NPNT: variants seen among roughly 807,000 people sequenced by gnomAD.
The protein encoded by NPNT is preosteoblast EGF-like repeat protein with MAM domain.
Under a neutral mutation model 68.6 loss-of-function variants are expected in NPNT, and 45 were observed. That is an observed-to-expected ratio of 0.66 (90% CI 0.52 to 0.84). The LOEUF is 0.84. NPNT is among the 40% of genes least tolerant of loss of function. NPNT has a pLI of 0.00. For synonymous variants in NPNT, 233 were observed against 253.3 expected, an observed-to-expected ratio of 0.92 and a Z score of 0.76; for missense variants, 672 against 714.8, an observed-to-expected ratio of 0.94 and a Z score of 0.68.
At chr4:105,967,525 C>G in intron 11 of NPNT, 81 bp downstream of exon 11, 1 of 1,387,220 alleles carries the variant, frequency 7.2e-7, no homozygotes, top group Non-Finnish European at 9.7e-7. Context: ...TTGAAGAAGC[C>G]TTGCTGTGTG....
intron 8 of NPNT, among the ~76,000 whole-genome samples, chr4:105,944,192 T>A (rs74812441): frequency 2.0e-3 from 304 of 152,280 alleles, no homozygotes; most frequent in Non-Finnish European, 3.0e-3. Context: ...TATATGTGCA[T>A]AACTATTTTC....
intron 1 of NPNT, among the ~76,000 whole-genome samples, chr4:105,896,587 C>A (rs942778774): frequency 6.6e-6 from 1 of 152,204 alleles, no homozygotes; most frequent in African/African-American, 2.4e-5. Context: ...TGGCGCACAC[C>A]GTCGCCCGGT....
chr4:105,904,941 G>C (rs1726760623), intron 2 of NPNT, among the ~76,000 whole-genome samples: 1 of 151,994 alleles, frequency 6.6e-6, no homozygotes, highest in Non-Finnish European at 1.5e-5. Flanking sequence ...TCATCGTGTT[G>C]GTCTGGCTGG....
intron 8 of NPNT, among the ~76,000 whole-genome samples, chr4:105,945,670 C>G (rs1286918762): frequency 6.6e-6 from 1 of 152,198 alleles, no homozygotes; most frequent in East Asian, 1.9e-4. Flanking sequence ...AGCCATCTCT[C>G]CCCTGGAATA....
chr4:105,968,296 A>G (rs1014061854), intron 11 of NPNT, among the ~76,000 whole-genome samples: 1 of 152,256 alleles, frequency 6.6e-6, no homozygotes, highest in Non-Finnish European at 1.5e-5. Context: ...TGTTTAGAGA[A>G]ATAAAACAAG....
chr4:105,912,321 T>A, intron 2 of NPNT: 1 of 943,262 alleles, frequency 1.1e-6, no homozygotes, highest in Non-Finnish European at 1.6e-6. Flanking sequence ...TACAAAGCTG[T>A]AAACAAAACA....
chr4:105,930,729 T>C (rs1729046017), intron 3 of NPNT, among the ~76,000 whole-genome samples: 1 of 152,232 alleles, frequency 6.6e-6, no homozygotes, highest in African/African-American at 2.4e-5. Context: ...TAGCGAGTTA[T>C]ATACTTTAAG....
intron 10 of NPNT, among the ~76,000 whole-genome samples, chr4:105,966,173 A>G (rs1231061791): frequency 6.6e-6 from 1 of 152,228 alleles, no homozygotes; most frequent in Non-Finnish European, 1.5e-5. Flanking sequence ...CCATTTTTCT[A>G]TGGAAAAACC....
intron 2 of NPNT, chr4:105,912,395 T>C: frequency 9.1e-6 from 5 of 549,818 alleles, no homozygotes; most frequent in Non-Finnish European, 1.5e-5. Context: ...GTGCTTATTC[T>C]ATACATAATT....
chr4:105,919,709 A>G (rs1728094851), intron 2 of NPNT, among the ~76,000 whole-genome samples: 1 of 152,100 alleles, frequency 6.6e-6, no homozygotes, highest in Non-Finnish European at 1.5e-5. Context: ...AACTAAATTT[A>G]TTTGTAAGAA....
chr4:105,927,146 T>C (rs1314561638), intron 2 of NPNT, 190 bp from the exon 3 acceptor site: 6 of 448,114 alleles, frequency 1.3e-5, no homozygotes, highest in Non-Finnish European at 2.4e-5. Context: ...CACACACATA[T>C]ACATACATAA....
chr4:105,921,695 A>C (rs1728269583), intron 2 of NPNT, among the ~76,000 whole-genome samples: 1 of 152,192 alleles, frequency 6.6e-6, no homozygotes, highest in Non-Finnish European at 1.5e-5. Context: ...GGCTCAGGGC[A>C]CTTTTCAGAG....
intron 3 of NPNT, among the ~76,000 whole-genome samples, chr4:105,929,243 C>A (rs1449740274): frequency 6.6e-6 from 1 of 152,032 alleles, no homozygotes; most frequent in East Asian, 1.9e-4. Context: ...TTTTTACAAT[C>A]ATCCAGAACA....
At chr4:105,923,923 G>A (rs1442837894) in intron 2 of NPNT, among the ~76,000 whole-genome samples, 1 of 151,882 alleles carries the variant, frequency 6.6e-6, no homozygotes, top group East Asian at 1.9e-4. Flanking sequence ...GAATCCAGCT[G>A]GCCTTTTGTG....
At chr4:105,900,933 A>T (rs1012548749) in intron 2 of NPNT, among the ~76,000 whole-genome samples, 1 of 146,908 alleles carries the variant, frequency 6.8e-6, no homozygotes, top group African/African-American at 2.5e-5. Flanking sequence ...TCTAACTGTC[A>T]TGGGCTTTAC....
At chr4:105,927,268 C>T (rs1413771089) in intron 2 of NPNT, 68 bp from the exon 3 acceptor site, 14 of 938,082 alleles carry the variant, frequency 1.5e-5, no homozygotes, top group African/African-American at 8.3e-5. Context: ...AACTAGTGCA[C>T]GACATCAATG....
chr4:105,900,157 T>C, intron 2 of NPNT, among the ~76,000 whole-genome samples: 1 of 152,244 alleles, frequency 6.6e-6, no homozygotes, highest in South Asian at 2.1e-4. Context: ...GATAATCATG[T>C]AGTTCTTTCC....
At chr4:105,936,988 T>C (rs1174215955) in intron 3 of NPNT, 21 bp from the exon 4 acceptor site, 6 of 1,606,762 alleles carry the variant, frequency 3.7e-6, no homozygotes, top group Non-Finnish European at 5.1e-6. Flanking sequence ...ATTTTTCTGC[T>C]TCAACCCACA....
chr4:105,895,602 A>C lies in NPNT; in HGVS notation c.-51A>C. 1 of 1,499,428 alleles carries C rather than the reference A, an allele frequency of 6.7e-7. No homozygotes were observed. Among genetic ancestry groups the C allele is most frequent in the Non-Finnish European group, 9.1e-7 (1 of 1,102,860 alleles). The allele number at this position is 1,499,428 out of a possible 1,614,324, so 92.9% of individuals were successfully genotyped here. On this transcript the variant is annotated 5_prime_UTR_variant, in exon 1 of 12. Coordinates refer to ENST00000379987, the MANE Select transcript of NPNT (RefSeq NM_001033047.3). ...GCCTCCCATCGGCGCCCACCACCCC[A>C]ACCTGTTCCTCGCGCGCCACTGCGC... is the stretch of plus-strand genomic sequence containing the variant.
Sources: allele counts gnomAD v4.1 joint callset (sites outside exome capture counted in the v4.1 genomes callset), GRCh38; gene constraint gnomAD v4.1.1; transcripts MANE v1.5; gene names NCBI Gene and HGNC (gene_info 2026-07-23, HGNC 2026-07-21).